The following RCAN2 variants were observed in gnomAD, a reference collection of about 807,000 sequenced individuals.
The protein encoded by RCAN2 is regulator of calcineurin 2.
A neutral mutation model predicts 23.6 loss-of-function variants in RCAN2; 9 were observed. The observed-to-expected ratio is 0.38, with a 90% CI of 0.23 to 0.67. The LOEUF (loss-of-function observed/expected upper bound fraction) is 0.67. Among genes scored for constraint, RCAN2 ranks in the 30% least tolerant of loss-of-function variants. The pLI is 0.51. For missense variants in RCAN2, 273 were observed against 302.3 expected (o/e 0.90, Z 0.72); for synonymous variants, 109 against 115.7 (o/e 0.94, Z 0.37).
chr6:46,390,490 G>T (rs1229363183), intron 2 of RCAN2, among the ~76,000 whole-genome samples: 2 of 152,110 alleles, frequency 1.3e-5, no homozygotes, highest in African/African-American at 2.4e-5. Flanking sequence ...ACTGCAGGTG[G>T]GTTCTCTATG....
chr6:46,337,472 T>C (rs1405361854), intron 2 of RCAN2, among the ~76,000 whole-genome samples: 1 of 152,244 alleles, frequency 6.6e-6, no homozygotes, highest in Non-Finnish European at 1.5e-5. Context: ...TTGATAAGCC[T>C]TACTCTTTAT....
intron 2 of RCAN2, among the ~76,000 whole-genome samples, chr6:46,360,412 T>A (rs955493196): frequency 3.3e-5 from 5 of 151,732 alleles, no homozygotes; most frequent in African/African-American, 4.8e-5. Flanking sequence ...TGGGCACCTG[T>A]AGTCCCAGCT....
intron 1 of RCAN2, among the ~76,000 whole-genome samples, chr6:46,469,716 T>C (rs901057441): frequency 6.6e-6 from 1 of 152,188 alleles, no homozygotes; most frequent in Non-Finnish European, 1.5e-5. Flanking sequence ...ATGTTATGAA[T>C]GTGTCCCCTC....
chr6:46,264,943 T>G (rs1003363981), intron 2 of RCAN2, among the ~76,000 whole-genome samples: 1 of 152,202 alleles, frequency 6.6e-6, no homozygotes, highest in Non-Finnish European at 1.5e-5. Context: ...GATTAAACGA[T>G]CTGCCTAAGG....
chr6:46,324,704 C>T (rs145433694), intron 2 of RCAN2, among the ~76,000 whole-genome samples: 366 of 152,304 alleles, frequency 2.4e-3, no homozygotes, highest in African/African-American at 8.2e-3. Flanking sequence ...CATCAGAGGA[C>T]GATTACCTAT....
chr6:46,276,916 A>C (rs76421299), intron 2 of RCAN2, among the ~76,000 whole-genome samples: 1 of 152,240 alleles, frequency 6.6e-6, no homozygotes, highest in Non-Finnish European at 1.5e-5. Flanking sequence ...GCCTCCAAAC[A>C]GATGCCTGGG....
intron 2 of RCAN2, among the ~76,000 whole-genome samples, chr6:46,414,836 G>C (rs1766658871): frequency 6.6e-6 from 1 of 151,988 alleles, no homozygotes; most frequent in African/African-American, 2.4e-5. Flanking sequence ...TCATCCTATT[G>C]GTTCTGTTTC....
At chr6:46,292,884 C>A (rs576490847) in intron 2 of RCAN2, among the ~76,000 whole-genome samples, 1 of 152,150 alleles carries the variant, frequency 6.6e-6, no homozygotes, top group African/African-American at 2.4e-5. Flanking sequence ...CCCTCCACCC[C>A]CACGACAGGC....
intron 2 of RCAN2, among the ~76,000 whole-genome samples, chr6:46,326,621 A>G (rs373845583): frequency 1.4e-4 from 21 of 152,338 alleles, no homozygotes; most frequent in Admixed American, 1.2e-3. Flanking sequence ...AAAAATTTCC[A>G]ATTGTTTTTT....
chr6:46,459,372 CA>C (rs946611571), intron 1 of RCAN2, among the ~76,000 whole-genome samples: 4 of 151,568 alleles, frequency 2.6e-5, no homozygotes, highest in South Asian at 2.1e-4. Context: ...ATTATTTTTC[CA>C]AAAAAAATCT....
intron 2 of RCAN2, among the ~76,000 whole-genome samples, chr6:46,356,109 C>A (rs753100719): frequency 1.8e-4 from 27 of 152,190 alleles, no homozygotes; most frequent in Admixed American, 2.0e-4. Flanking sequence ...GGTGAACTTA[C>A]TTTACAAGGT....
At chr6:46,319,035 G>T (rs1458272121) in intron 2 of RCAN2, among the ~76,000 whole-genome samples, 1 of 152,098 alleles carries the variant, frequency 6.6e-6, no homozygotes, top group African/African-American at 2.4e-5. Flanking sequence ...AAATAGTTTA[G>T]CTTTAGCATT....
intron 2 of RCAN2, among the ~76,000 whole-genome samples, chr6:46,361,119 T>C (rs117626617): frequency 0.018 from 2,784 of 152,298 alleles, 61 homozygotes; most frequent in South Asian, 0.12. Context: ...AGAATTTCCA[T>C]ATGGATTGCA....
chr6:46,322,109 A>G (rs1162543550), intron 2 of RCAN2, among the ~76,000 whole-genome samples: 1 of 152,206 alleles, frequency 6.6e-6, no homozygotes, highest in African/African-American at 2.4e-5. Context: ...CACTGGACTA[A>G]AGTGAAATGT....
At chr6:46,360,655 G>C (rs1370682123) in intron 2 of RCAN2, among the ~76,000 whole-genome samples, 6 of 148,916 alleles carry the variant, frequency 4.0e-5, no homozygotes, top group African/African-American at 1.2e-4. Context: ...GAGGATAAAA[G>C]ACAGCAGAGG....
chr6:46,270,877 A>T (rs2150332849), intron 2 of RCAN2, among the ~76,000 whole-genome samples: 1 of 152,264 alleles, frequency 6.6e-6, no homozygotes, highest in African/African-American at 2.4e-5. Flanking sequence ...AATCCTGCTA[A>T]CAGCCACTGA....
At chr6:46,321,058 T>G (rs755874396) in intron 2 of RCAN2, among the ~76,000 whole-genome samples, 4 of 152,178 alleles carry the variant, frequency 2.6e-5, no homozygotes, top group African/African-American at 7.2e-5. Context: ...ATTCACTCTA[T>G]GTGGAATGAT....
chr6:46,487,702 G>A (rs149613227), intron 1 of RCAN2, among the ~76,000 whole-genome samples: 1 of 152,338 alleles, frequency 6.6e-6, no homozygotes, highest in African/African-American at 2.4e-5. Flanking sequence ...TTAGTGCCCA[G>A]GCAGGCAGGG....
At chr6:46,249,317 C>CTTT (rs11331303) in intron 2 of RCAN2, among the ~76,000 whole-genome samples, 20 of 96,980 alleles carry the variant, frequency 2.1e-4, no homozygotes, top group East Asian at 2.8e-4. Flanking sequence ...TTCTTTCTTT[C>CTTT]TTTTTTTTTT....
Sources: gnomAD v4.1 joint callset for allele counts (sites outside exome capture counted in the v4.1 genomes callset) on GRCh38, gnomAD v4.1.1 for gene constraint, MANE v1.5 for transcripts, NCBI Gene and HGNC (gene_info 2026-07-23, HGNC 2026-07-21) for gene names.